ZNF232: variants seen among roughly 807,000 people sequenced by gnomAD.
ZNF232 encodes zinc finger protein 232.
In ZNF232, 25 loss-of-function variants were observed where a neutral mutation model predicts 25.2. The ratio of observed to expected loss-of-function variants is 0.99; its 90% CI spans 0.72 to 1.39. ZNF232 has a LOEUF of 1.39. Ranked by LOEUF, ZNF232 falls within the 40% of genes most tolerant of loss-of-function variation. The pLI is 0.00. For synonymous variants in ZNF232, 193 were observed against 182.9 expected (o/e 1.06, Z -0.45); for missense variants, 519 against 520.9 (o/e 1.00, Z 0.04).
chr17:5,111,989 C>G, upstream of ZNF232: 2 of 1,004,212 alleles, frequency 2.0e-6, no homozygotes, highest in Non-Finnish European at 2.8e-6. Flanking sequence ...GGCTGGGAGC[C>G]CGGGAACCGG....
chr17:5,107,165 G>A (rs1035924416), intron 3 of ZNF232, among the ~76,000 whole-genome samples: 6 of 151,714 alleles, frequency 4.0e-5, no homozygotes, highest in Non-Finnish European at 5.9e-5. Flanking sequence ...AGGGCGGGTG[G>A]ATCACGAGGT....
intron 3 of ZNF232, among the ~76,000 whole-genome samples, chr17:5,107,361 C>G (rs1349540471): frequency 1.6e-5 from 2 of 122,866 alleles, no homozygotes; most frequent in South Asian, 2.7e-4. Context: ...GCACTCCAGC[C>G]TGGGCGACAG....
intron 1 of ZNF232, 136 bp from the exon 2 acceptor site, chr17:5,110,004 C>T (rs2072361851): frequency 2.5e-6 from 2 of 808,898 alleles, no homozygotes; most frequent in Admixed American, 3.2e-5. Flanking sequence ...ATTCTCCTAC[C>T]TCAGCCTCCC....
chr17:5,117,979 G>C (rs2072571959), intron 1 of ZNF232, among the ~76,000 whole-genome samples: 1 of 151,142 alleles, frequency 6.6e-6, no homozygotes, highest in Non-Finnish European at 1.5e-5. Flanking sequence ...TGAGGCAGGA[G>C]AATCACTTGA....
At position 5,111,825 on chromosome 17, in the gene ZNF232, G is replaced by C. The variant is rs377115779; in HGVS notation, c.-3C>G. The C allele has an allele frequency of 3.7e-6, 6 of 1,613,718 alleles. No homozygotes were observed. In the East Asian group the frequency reaches 6.7e-5, roughly 18 times the overall value. ...CTCACAGGACCAGGAGGTTCCATCG[G>C]GGCGCTGCCGCGAATCGCGCCACTT... On this transcript the variant is annotated 5_prime_UTR_variant, in exon 1 of 4. Transcript: ENST00000575898.
chr17:5,111,713 T>C (rs918886495), intron 1 of ZNF232, 87 bp downstream of exon 1: 1 of 1,605,430 alleles, frequency 6.2e-7, no homozygotes, highest in East Asian at 2.2e-5. Context: ...CTGCCAGGCC[T>C]GCTCACTGCA....
At chr17:5,109,042 G>T in exon 3 of ZNF232, 1 of 1,614,022 alleles carries the variant, frequency 6.2e-7, no homozygotes, top group Non-Finnish European at 8.5e-7. Flanking sequence ...TCCATGTGCA[G>T]GGCCTGGGAC....
upstream of ZNF232, among the ~76,000 whole-genome samples, chr17:5,112,721 G>C (rs1447970499): frequency 6.6e-6 from 1 of 151,988 alleles, no homozygotes; most frequent in Admixed American, 6.6e-5. Context: ...CAAAGTGCTG[G>C]GTTTACAGGC....
upstream of ZNF232, among the ~76,000 whole-genome samples, chr17:5,115,378 C>G (rs967309454): frequency 2.0e-5 from 3 of 151,944 alleles, no homozygotes; most frequent in Non-Finnish European, 2.9e-5. Context: ...ATGGTGAAAC[C>G]CTCTCTCTAC....
At chr17:5,119,151 C>T (rs2072596810) in intron 1 of ZNF232, among the ~76,000 whole-genome samples, 1 of 151,448 alleles carries the variant, frequency 6.6e-6, no homozygotes, top group South Asian at 2.1e-4. Flanking sequence ...AATCACCCCT[C>T]TTCCTCAAAG....
At position 5,109,827 on chromosome 17, in the gene ZNF232, T is replaced by C; in HGVS notation, c.65A>G (p.Glu22Gly). ...TACAGCCATCCTAGTCTGCACTAGC[T>C]CTGCAGAAGGCTCATACCAGCTGGA... Residue 22 changes from glutamate (E) to glycine (G), a missense_variant, in exon 2 of 4, where the codon GAG becomes GGG. By Grantham distance (98) the Glu-to-Gly change is moderately conservative. Transcript: ENST00000575898. 1 of 1,613,992 alleles carries C rather than the reference T, an allele frequency of 6.2e-7. No homozygotes were observed. Among genetic ancestry groups the C allele is most frequent in the South Asian group, 1.1e-5 (1 of 91,078 alleles).
chr17:5,111,955 C>T, upstream of ZNF232: 4 of 1,361,900 alleles, frequency 2.9e-6, no homozygotes, highest in Middle Eastern at 1.9e-4. Flanking sequence ...GGACTTTGGC[C>T]CAGGCGCGTG....
upstream of ZNF232, among the ~76,000 whole-genome samples, chr17:5,116,192 A>C (rs1567762485): frequency 7.0e-6 from 1 of 143,680 alleles, no homozygotes; most frequent in Admixed American, 7.1e-5. Context: ...AGCAGTCAGG[A>C]GGGGCCGCGG....
chr17:5,106,432 G>C, exon 4 of ZNF232: 2 of 1,614,222 alleles, frequency 1.2e-6, no homozygotes, highest in Non-Finnish European at 1.7e-6. Context: ...GAGAACACCT[G>C]TGATTCCACT....
intron 1 of ZNF232, among the ~76,000 whole-genome samples, chr17:5,117,333 T>C (rs892300161): frequency 6.6e-6 from 1 of 151,986 alleles, no homozygotes; most frequent in African/African-American, 2.4e-5. Flanking sequence ...CTGACCAACA[T>C]GGTGAAACCC....
chr17:5,111,712 C>T (rs2072416829), intron 1 of ZNF232, 88 bp downstream of exon 1: 16 of 1,605,120 alleles, frequency 1.0e-5, no homozygotes, highest in South Asian at 3.3e-5. Flanking sequence ...CCTGCCAGGC[C>T]TGCTCACTGC....
chr17:5,116,375 G>C (rs547049782), upstream of ZNF232: 1 of 138,378 alleles, frequency 7.2e-6, no homozygotes, highest in Non-Finnish European at 1.7e-5. Flanking sequence ...GAGTCGAACC[G>C]AGTCCTCATG....
intron 3 of ZNF232, 38 bp downstream of exon 3, chr17:5,108,888 C>T (rs574030397): frequency 4.3e-6 from 7 of 1,613,286 alleles, no homozygotes; most frequent in Non-Finnish European, 4.2e-6. Flanking sequence ...TATAGTCCCT[C>T]TTTCTCCTCT....
At chr17:5,118,838 C>G (rs527662615) in intron 1 of ZNF232, among the ~76,000 whole-genome samples, 38 of 152,328 alleles carry the variant, frequency 2.5e-4, no homozygotes, top group African/African-American at 8.7e-4. Flanking sequence ...GGCCATCTCT[C>G]TCATCTACTG....
Sources: allele counts gnomAD v4.1 joint callset (sites outside exome capture counted in the v4.1 genomes callset), GRCh38; gene constraint gnomAD v4.1.1; transcripts MANE v1.5; gene names NCBI Gene and HGNC (gene_info 2026-07-23, HGNC 2026-07-21).